The following SPEF2 variants were observed in gnomAD, a reference collection of about 807,000 sequenced individuals.
SPEF2 encodes the protein sperm flagella and cilia-associated protein 2.
SPEF2 carries 187 observed loss-of-function variants against 224.6 expected under a neutral mutation model. That is an observed-to-expected ratio of 0.83 (90% confidence interval 0.74 to 0.94). The LOEUF (loss-of-function observed/expected upper bound fraction) is 0.94. Ranked by LOEUF, SPEF2 falls within the 40% of genes least tolerant of loss-of-function variation. SPEF2 has a pLI of 0.00. For synonymous variants in SPEF2, 715 were observed against 707.3 expected (o/e 1.01, Z -0.17); for missense variants, 2,170 against 2,135.6 (o/e 1.02, Z -0.32).
intron 26 of SPEF2, among the ~76,000 whole-genome samples, chr5:35,766,724 T>C (rs1201538575): frequency 6.6e-6 from 1 of 151,922 alleles, no homozygotes; most frequent in Non-Finnish European, 1.5e-5. Flanking sequence ...TTGAGATAGA[T>C]CATAGTTTAT....
At chr5:35,768,201 CTGA>C (rs1474938275) in intron 26 of SPEF2, among the ~76,000 whole-genome samples, 7 of 152,056 alleles carry the variant, frequency 4.6e-5, no homozygotes, top group Non-Finnish European at 1.0e-4. Context: ...TGCTGCTATG[CTGA>C]TGATGCTGAT....
At chr5:35,796,151 C>A (rs1756629285) in intron 33 of SPEF2, among the ~76,000 whole-genome samples, 1 of 152,198 alleles carries the variant, frequency 6.6e-6, no homozygotes, top group Non-Finnish European at 1.5e-5. Flanking sequence ...TGTCATTTTA[C>A]CAATGTCCAT....
rs1278479902 is a variant in SPEF2 at position 35,771,743 on chromosome 5, C to CA, written c.3942dup (p.Pro1315ThrfsTer4). 6 of 1,589,222 alleles carry CA rather than the reference C, an allele frequency of 3.8e-6. No homozygotes were observed. Among genetic ancestry groups the CA allele is most frequent in the Non-Finnish European group, 5.1e-6 (6 of 1,173,884 alleles). On this transcript the variant is annotated frameshift_variant, in exon 27 of 37. Transcript: ENST00000356031. LOFTEE classifies it high-confidence loss of function. ...AGCCACCCAAGAAAAAACAGGAAGA[C>CA]AAAAAACCCAAAGGTATTTATGGTT...
intron 36 of SPEF2, among the ~76,000 whole-genome samples, chr5:35,812,448 TA>T (rs1420419090): frequency 1.3e-5 from 2 of 152,284 alleles, no homozygotes; most frequent in African/African-American, 4.8e-5. Flanking sequence ...TATTTTCAAA[TA>T]ATGCTCCTAA....
At chr5:35,737,098 CT>C (rs1197155857) in intron 21 of SPEF2, among the ~76,000 whole-genome samples, 1 of 152,146 alleles carries the variant, frequency 6.6e-6, no homozygotes, top group Non-Finnish European at 1.5e-5. Flanking sequence ...GCTTTAGAAT[CT>C]TGACCTCACT....
At chr5:35,661,775 C>T (rs1580168349) in intron 8 of SPEF2, among the ~76,000 whole-genome samples, 2 of 152,116 alleles carry the variant, frequency 1.3e-5, no homozygotes, top group South Asian at 2.1e-4. Context: ...TTTATGGCTG[C>T]ATATTATTCC....
In SPEF2 at chr5:35,684,978, C is replaced by T. The variant is rs146444607; in HGVS notation, c.1525-6059C>T. ...TAAAATAATCACCATTTGTCTAATT[C>T]GAAGTATAAATAATTCCAATGAATG... On this transcript the variant is annotated intron_variant, in intron 10 of 36. Coordinates refer to ENST00000356031, the MANE Select transcript of SPEF2 (RefSeq NM_024867.4). Among the ~76,000 whole-genome samples the T allele has an allele frequency of 8.2e-4, 125 of 152,070 alleles. 1 individual carries two copies. The South Asian group carries it at 0.012, about 14-fold the overall frequency.
intron 6 of SPEF2, among the ~76,000 whole-genome samples, chr5:35,652,019 C>G (rs114719917): frequency 0.039 from 5,930 of 152,176 alleles, 167 homozygotes; most frequent in Non-Finnish European, 0.052. Flanking sequence ...AGAGGCTTTT[C>G]CCAGCAACTA....
chr5:35,702,105 G>A (rs1460531774), intron 16 of SPEF2: 4 of 412,586 alleles, frequency 9.7e-6, no homozygotes, highest in Non-Finnish European at 2.0e-5. Context: ...CATAAGCCAA[G>A]GGAGGACAAA....
chr5:35,656,244 T>A (rs2149441774), intron 7 of SPEF2, among the ~76,000 whole-genome samples: 1 of 152,254 alleles, frequency 6.6e-6, no homozygotes, highest in South Asian at 2.1e-4. Flanking sequence ...TGAAGATGCT[T>A]TTATTCACCT....
At chr5:35,717,245 G>A (rs1219673052) in intron 20 of SPEF2, among the ~76,000 whole-genome samples, 3 of 152,062 alleles carry the variant, frequency 2.0e-5, no homozygotes, top group Admixed American at 1.3e-4. Context: ...GACACCATAT[G>A]TAAGATCCCA....
intron 36 of SPEF2, among the ~76,000 whole-genome samples, chr5:35,808,559 T>C (rs1015429965): frequency 6.6e-6 from 1 of 152,042 alleles, no homozygotes; most frequent in African/African-American, 2.4e-5. Context: ...TTCATCCATG[T>C]CCCTATGAAG....
At position 35,654,583 on chromosome 5, in the gene SPEF2, G is replaced by C. The variant is rs375805421; in HGVS notation, c.835G>C (p.Asp279His). ...SLDTAGQTTT[D>H]LLNTYSDDEY... is the part of the protein sequence containing the mutation. ...AGATACAGCAGGCCAGACAACCACC[G>C]ATTTGTTAAATACTTACTCAGATGA... Residue 279 changes from aspartate to histidine, a missense_variant, in exon 7 of 37, where the codon GAT becomes CAT. Transcript: ENST00000356031. The C allele has an allele frequency of 2.5e-6, 4 of 1,608,842 alleles. No homozygotes were observed. Among genetic ancestry groups the C allele is most frequent in the Non-Finnish European group, 2.5e-6 (3 of 1,178,672 alleles).
At chr5:35,695,629 C>T (rs146043813) in intron 13 of SPEF2, 106 bp from the exon 14 acceptor site, 3 of 763,704 alleles carry the variant, frequency 3.9e-6, no homozygotes, top group Non-Finnish European at 6.3e-6. Flanking sequence ...TCAGGCATAG[C>T]TGGATCTGAT....
intron 11 of SPEF2, 136 bp from the exon 12 acceptor site, chr5:35,692,434 A>G: frequency 2.9e-6 from 2 of 688,718 alleles, no homozygotes; most frequent in Non-Finnish European, 4.8e-6. Context: ...CAAACAAAAC[A>G]AAAAAGAAAC....
chr5:35,767,543 G>C (rs72738883), intron 26 of SPEF2, among the ~76,000 whole-genome samples: 206 of 152,050 alleles, frequency 1.4e-3, no homozygotes, highest in Non-Finnish European at 2.0e-3. Flanking sequence ...AAGTGATTTA[G>C]TGTGTGCTAT....
At chr5:35,713,356 C>T (rs920141287) in intron 20 of SPEF2, among the ~76,000 whole-genome samples, 1 of 152,096 alleles carries the variant, frequency 6.6e-6, no homozygotes, top group African/African-American at 2.4e-5. Flanking sequence ...TTTTTGCCAT[C>T]TATTTTTAGT....
At chr5:35,786,458 G>A (rs1238692109) in intron 30 of SPEF2, among the ~76,000 whole-genome samples, 16 of 152,108 alleles carry the variant, frequency 1.1e-4, no homozygotes, top group Admixed American at 9.2e-4. Context: ...TCAGGAGTTC[G>A]AGACCAGCCT....
intron 33 of SPEF2, 95 bp from the exon 34 acceptor site, chr5:35,799,873 T>C: frequency 1.5e-6 from 2 of 1,363,168 alleles, no homozygotes; most frequent in Non-Finnish European, 2.0e-6. Flanking sequence ...AAGGCAACCT[T>C]ATTCCAAAGC....
Sources: gnomAD v4.1 joint callset for allele counts (sites outside exome capture counted in the v4.1 genomes callset) on GRCh38, gnomAD v4.1.1 for gene constraint, MANE v1.5 for transcripts, NCBI Gene and HGNC (gene_info 2026-07-23, HGNC 2026-07-21) for gene names.